Variants in ULK4 observed in about 807,000 individuals in gnomAD.
ULK4 encodes the protein unc-51 like kinase 4, also known as inactive serine/threonine-protein kinase ULK4.
ULK4 carries 133 observed loss-of-function variants against 160.6 expected under a neutral mutation model. The observed-to-expected ratio is 0.83, with a 90% CI of 0.72 to 0.96. ULK4 has a LOEUF of 0.96. Among genes scored for constraint, ULK4 ranks in the 40% least tolerant of loss-of-function variants. The probability of loss-of-function intolerance (pLI) is 0.00; values close to 1 mark genes in which losing one functional copy is unlikely to be tolerated. For missense variants in ULK4, 1,580 were observed against 1,499.5 expected, an observed-to-expected ratio of 1.05 and a Z score of -0.89; for synonymous variants, 534 against 539.8, an observed-to-expected ratio of 0.99 and a Z score of 0.15.
At chr3:41,392,450 C>A (rs1040208976) in intron 35 of ULK4, among the ~76,000 whole-genome samples, 4 of 152,102 alleles carry the variant, frequency 2.6e-5, no homozygotes, top group Non-Finnish European at 5.9e-5. Flanking sequence ...TGTCAAGAAT[C>A]CAGGGCCCTT....
intron 32 of ULK4, among the ~76,000 whole-genome samples, chr3:41,508,254 C>T (rs1486173368): frequency 2.0e-5 from 3 of 152,076 alleles, no homozygotes; most frequent in Non-Finnish European, 2.9e-5. Flanking sequence ...GGAACCACAC[C>T]CCCACCCCTC....
intron 32 of ULK4, among the ~76,000 whole-genome samples, chr3:41,498,290 T>A (rs2085063769): frequency 6.6e-6 from 1 of 152,216 alleles, no homozygotes. Flanking sequence ...AAGGAACATG[T>A]TTCTAAAACA....
At position 41,251,683 on chromosome 3, in the gene ULK4, T is replaced by G. The variant is rs572170643; in HGVS notation, c.3679-2109A>C. On this transcript the variant is annotated intron_variant, in intron 35 of 36. Coordinates refer to ENST00000301831, the MANE Select transcript of ULK4 (RefSeq NM_017886.4). Reference sequence around the variant, plus strand: ...TCCTCTTGTGTCCCAGGCCATTCTGTGATGGCAGCAGTGGTAGTGGGGACA... The same window carrying G: ...TCCTCTTGTGTCCCAGGCCATTCTGGGATGGCAGCAGTGGTAGTGGGGACA... Among the ~76,000 whole-genome samples, 6 of 152,314 alleles carry G rather than the reference T, an allele frequency of 3.9e-5. No individual in the cohort carries two copies. The East Asian group carries it at 9.6e-4, about 24-fold the overall frequency.
rs759676178 is a variant in ULK4 at position 41,912,796 on chromosome 3, G to C, written c.896+11C>G. The stretch of plus-strand genomic sequence containing the variant: ...AACTATGTCCCATACACAAAGGTAA[G>C]TGTATACTACCTGAGACTGAGATCT... On this transcript the variant is annotated intron_variant, in intron 9 of 36. Coordinates refer to ENST00000301831, the MANE Select transcript of ULK4 (RefSeq NM_017886.4). The C allele has an allele frequency of 5.0e-6, 8 of 1,612,616 alleles. No individual in the cohort carries two copies. Among genetic ancestry groups the C allele is most frequent in the Non-Finnish European group, 5.1e-6 (6 of 1,178,670 alleles).
intron 35 of ULK4, among the ~76,000 whole-genome samples, chr3:41,259,316 A>G (rs1307122951): frequency 6.6e-6 from 1 of 152,160 alleles, no homozygotes; most frequent in Non-Finnish European, 1.5e-5. Context: ...TTTTAAACAC[A>G]ACACCCTGCA....
intron 19 of ULK4, among the ~76,000 whole-genome samples, chr3:41,804,011 T>C (rs1365686529): frequency 6.6e-6 from 1 of 152,178 alleles, no homozygotes; most frequent in East Asian, 1.9e-4. Context: ...AGTAATGGGA[T>C]GGCTGGGTCA....
intron 34 of ULK4, among the ~76,000 whole-genome samples, chr3:41,407,205 T>C (rs536627306): frequency 6.6e-6 from 1 of 152,264 alleles, no homozygotes; most frequent in African/African-American, 2.4e-5. Context: ...AAAACCATCC[T>C]ACAAAAGAAC....
At chr3:41,727,327 A>G (rs1254083620) in intron 22 of ULK4, among the ~76,000 whole-genome samples, 1 of 152,234 alleles carries the variant, frequency 6.6e-6, no homozygotes, top group Non-Finnish European at 1.5e-5. Flanking sequence ...GTATTTTTCT[A>G]GTTGATGTAG....
intron 17 of ULK4, among the ~76,000 whole-genome samples, chr3:41,864,691 GTTGC>G (rs2042578092): frequency 6.6e-6 from 1 of 151,722 alleles, no homozygotes; most frequent in South Asian, 2.1e-4. Context: ...AAGCAAGCAG[GTTGC>G]TTGAGTCCAG....
At chr3:41,506,767 A>AAAAAAAAAAAAAAAAAAAAATATAAATAT in intron 32 of ULK4, among the ~76,000 whole-genome samples, 1 of 56,766 alleles carries the variant, frequency 1.8e-5, no homozygotes, top group Non-Finnish European at 3.1e-5. Context: ...TGTGATTTAA[A>AAAAAAAAAAAAAAAAAAAAATATAAATAT]ATATATATAT....
At chr3:41,570,029 G>A (rs747490033) in intron 31 of ULK4, among the ~76,000 whole-genome samples, 18 of 152,164 alleles carry the variant, frequency 1.2e-4, no homozygotes, top group Non-Finnish European at 2.6e-4. Context: ...AATGGCCTGC[G>A]TATCAGAGTG....
chr3:41,725,128 T>A (rs1455423492), intron 22 of ULK4, among the ~76,000 whole-genome samples: 2 of 152,192 alleles, frequency 1.3e-5, no homozygotes, highest in African/African-American at 4.8e-5. Context: ...TTATCAATAT[T>A]TTCCTTTCTG....
chr3:41,410,662 G>A (rs1007421132), intron 34 of ULK4, among the ~76,000 whole-genome samples: 2 of 152,034 alleles, frequency 1.3e-5, no homozygotes, highest in East Asian at 1.9e-4. Context: ...GTGAATTATC[G>A]CTCAATAAAA....
chr3:41,876,606 G>A (rs1355299210), intron 17 of ULK4, among the ~76,000 whole-genome samples: 1 of 152,182 alleles, frequency 6.6e-6, no homozygotes. Flanking sequence ...ATCAAAATGT[G>A]TGTGCAAGGC....
intron 25 of ULK4, among the ~76,000 whole-genome samples, chr3:41,714,244 G>A (rs1216548684): frequency 1.3e-5 from 2 of 152,004 alleles, no homozygotes; most frequent in Non-Finnish European, 2.9e-5. Context: ...GAGCACAAAG[G>A]GACCTTTACT....
intron 17 of ULK4, among the ~76,000 whole-genome samples, chr3:41,842,483 T>C (rs56121764): frequency 0.18 from 27,698 of 152,126 alleles, 2,606 homozygotes; most frequent in Middle Eastern, 0.32. Flanking sequence ...TAGGTATTTG[T>C]ATGATGGGGC....
At chr3:41,440,922 G>C (rs957521549) in intron 34 of ULK4, among the ~76,000 whole-genome samples, 10 of 151,870 alleles carry the variant, frequency 6.6e-5, no homozygotes, top group African/African-American at 2.4e-4. Context: ...TTCATTGATT[G>C]GCATAAAGCT....
chr3:41,556,723 G>C (rs887303318), intron 32 of ULK4, among the ~76,000 whole-genome samples: 1 of 151,852 alleles, frequency 6.6e-6, no homozygotes, highest in Non-Finnish European at 1.5e-5. Flanking sequence ...TGCTGACCTC[G>C]TAATCCGCCC....
At chr3:41,609,957 G>C (rs929876168) in intron 31 of ULK4, among the ~76,000 whole-genome samples, 1 of 149,602 alleles carries the variant, frequency 6.7e-6, no homozygotes, top group Non-Finnish European at 1.5e-5. Context: ...CTGGGTGACA[G>C]AGTGAGACCT....
Sources: gnomAD v4.1 joint callset for allele counts (sites outside exome capture counted in the v4.1 genomes callset) on GRCh38, gnomAD v4.1.1 for gene constraint, MANE v1.5 for transcripts, NCBI Gene and HGNC (gene_info 2026-07-23, HGNC 2026-07-21) for gene names.